CDH13: variants seen among roughly 807,000 people sequenced by gnomAD.
The protein encoded by CDH13 is cadherin 13.
Under a neutral mutation model 63.8 loss-of-function variants are expected in CDH13, and 24 were observed. The ratio of observed to expected loss-of-function variants is 0.38; its 90% confidence interval spans 0.27 to 0.53. The LOEUF (loss-of-function observed/expected upper bound fraction) is 0.53, where lower values mean the gene tolerates loss of function less well. Among genes scored for constraint, CDH13 ranks in the 20% least tolerant of loss-of-function variants. CDH13 has a pLI of 0.85. For missense variants in CDH13, 1,049 were observed against 903.1 expected, an observed-to-expected ratio of 1.16 and a Z score of -2.07; for synonymous variants, 503 against 355.3, an observed-to-expected ratio of 1.42 and a Z score of -4.67.
intron 5 of CDH13, among the ~76,000 whole-genome samples, chr16:83,287,763 C>A (rs866429897): frequency 6.6e-6 from 1 of 152,208 alleles, no homozygotes; most frequent in South Asian, 2.1e-4. Context: ...GTCATCCCCT[C>A]ACCTCCTCCT....
chr16:83,776,142 G>A (rs1915095337), intron 11 of CDH13, among the ~76,000 whole-genome samples: 1 of 152,032 alleles, frequency 6.6e-6, no homozygotes, highest in Non-Finnish European at 1.5e-5. Flanking sequence ...CCTGGCCTGG[G>A]AATAACACAT....
intron 5 of CDH13, among the ~76,000 whole-genome samples, chr16:83,245,916 T>C (rs943532596): frequency 2.6e-5 from 4 of 152,082 alleles, no homozygotes; most frequent in African/African-American, 9.7e-5. Context: ...CTTGTATTTT[T>C]TGTAGAGACT....
chr16:82,784,421 G>C (rs1451961803), intron 1 of CDH13, among the ~76,000 whole-genome samples: 1 of 152,170 alleles, frequency 6.6e-6, no homozygotes, highest in Non-Finnish European at 1.5e-5. Context: ...TGGTCCAGCT[G>C]TGTGTGTACA....
chr16:83,390,049 T>A (rs1230285414), intron 6 of CDH13, among the ~76,000 whole-genome samples: 7 of 135,416 alleles, frequency 5.2e-5, no homozygotes, highest in Non-Finnish European at 9.0e-5. Flanking sequence ...TAGCTACCCT[T>A]GTAATTTTCC....
At chr16:82,694,278 A>G (rs188155440) in intron 1 of CDH13, among the ~76,000 whole-genome samples, 32 of 152,342 alleles carry the variant, frequency 2.1e-4, no homozygotes, top group African/African-American at 7.7e-4. Flanking sequence ...CTCCAAGTAC[A>G]TGAGATTGAA....
At chr16:83,191,260 C>G (rs2038687814) in intron 4 of CDH13, among the ~76,000 whole-genome samples, 1 of 145,192 alleles carries the variant, frequency 6.9e-6, no homozygotes, top group Admixed American at 7.2e-5. Flanking sequence ...AAGCCTGTAA[C>G]AAATCACAAG....
intron 4 of CDH13, among the ~76,000 whole-genome samples, chr16:83,138,809 C>G (rs2036408517): frequency 6.6e-6 from 1 of 151,898 alleles, no homozygotes. Context: ...TGACAGAAAT[C>G]CAGGAGGGTG....
intron 7 of CDH13, among the ~76,000 whole-genome samples, chr16:83,572,955 G>A (rs1457495211): frequency 1.3e-5 from 2 of 152,206 alleles, no homozygotes; most frequent in Non-Finnish European, 2.9e-5. Flanking sequence ...ATTGAAATGT[G>A]TACAGTACTT....
At chr16:82,793,378 AG>A (rs1183625543) in intron 1 of CDH13, among the ~76,000 whole-genome samples, 1 of 115,038 alleles carries the variant, frequency 8.7e-6, no homozygotes, top group Non-Finnish European at 2.0e-5. Flanking sequence ...TGGAAAAGGG[AG>A]GGAAAAAAAA....
intron 1 of CDH13, among the ~76,000 whole-genome samples, chr16:82,828,625 TAAAA>T (rs1043707867): frequency 6.7e-5 from 10 of 148,614 alleles, no homozygotes; most frequent in African/African-American, 2.5e-4. Context: ...CTGTCTAAAA[TAAAA>T]ATAAAAATAG....
intron 11 of CDH13, among the ~76,000 whole-genome samples, chr16:83,751,223 C>T (rs1017512634): frequency 7.2e-5 from 11 of 152,112 alleles, no homozygotes; most frequent in Non-Finnish European, 5.9e-5. Context: ...TGAAATCAAT[C>T]GTGAAATGCT....
At chr16:83,741,444 C>CGTA in intron 10 of CDH13, among the ~76,000 whole-genome samples, 1 of 151,224 alleles carries the variant, frequency 6.6e-6, no homozygotes, top group Non-Finnish European at 1.5e-5. Flanking sequence ...TTATTTTCTA[C>CGTA]GTTTCTCATA....
chr16:83,207,374 T>A (rs2039212540), intron 4 of CDH13, among the ~76,000 whole-genome samples: 1 of 152,248 alleles, frequency 6.6e-6, no homozygotes, highest in East Asian at 1.9e-4. Context: ...TAGCATAATG[T>A]CCTCAAAGTT....
chr16:83,635,663 T>C (rs939271872), intron 8 of CDH13, among the ~76,000 whole-genome samples: 10 of 152,134 alleles, frequency 6.6e-5, no homozygotes, highest in African/African-American at 2.4e-4. Context: ...CAGAATCTTT[T>C]AATGTTTGAG....
intron 5 of CDH13, among the ~76,000 whole-genome samples, chr16:83,234,346 A>G (rs1567527105): frequency 6.6e-6 from 1 of 152,214 alleles, no homozygotes; most frequent in Non-Finnish European, 1.5e-5. Flanking sequence ...TCCTGGGCAC[A>G]GAGCTCCTTT....
intron 1 of CDH13, among the ~76,000 whole-genome samples, chr16:82,645,292 C>T (rs12716948): frequency 0.54 from 81,834 of 151,938 alleles, 22,527 homozygotes; most frequent in African/African-American, 0.65. Context: ...CCAGATTCCA[C>T]TGGGTTTTCA....
In CDH13 at chr16:82,746,912, G is replaced by T. The variant is rs540527268; in HGVS notation, c.46-111450G>T. Among the ~76,000 whole-genome samples, 20 of 152,280 alleles carry T rather than the reference G, an allele frequency of 1.3e-4. No homozygotes were observed. In the South Asian group the frequency reaches 3.9e-3, roughly 30 times the overall value. On this transcript the variant is annotated intron_variant, in intron 1 of 13. Transcript: ENST00000567109. The stretch of plus-strand genomic sequence containing the variant: ...ACAATTGTTAAGGACCTGATGTTGT[G>T]ATTAGAGCAGCCCTGTTTCTTTCGT...
At chr16:83,069,927 G>A (rs779591277) in intron 3 of CDH13, among the ~76,000 whole-genome samples, 1 of 152,208 alleles carries the variant, frequency 6.6e-6, no homozygotes, top group South Asian at 2.1e-4. Flanking sequence ...TCGGCAATCA[G>A]TGTAGTTGAT....
At chr16:83,681,890 A>G (rs1228896047) in intron 10 of CDH13, among the ~76,000 whole-genome samples, 2 of 130,802 alleles carry the variant, frequency 1.5e-5, no homozygotes, top group African/African-American at 6.0e-5. Flanking sequence ...TTGTGATGTT[A>G]CTGCTGTTGT....
Sources: gnomAD v4.1 joint callset for allele counts (sites outside exome capture counted in the v4.1 genomes callset) on GRCh38, gnomAD v4.1.1 for gene constraint, MANE v1.5 for transcripts, NCBI Gene and HGNC (gene_info 2026-07-23, HGNC 2026-07-21) for gene names.